Variants in TTYH3 observed in about 807,000 individuals in gnomAD.
TTYH3 encodes the protein protein tweety homolog 3.
A neutral mutation model predicts 68.2 loss-of-function variants in TTYH3; 23 were observed. The observed-to-expected ratio is 0.34, with a 90% confidence interval of 0.24 to 0.48. The LOEUF is 0.48. Ranked by LOEUF, TTYH3 falls within the 20% of genes least tolerant of loss-of-function variation. The pLI is 0.99. For synonymous variants in TTYH3, 360 were observed against 332.8 expected (o/e 1.08, Z -0.89); for missense variants, 768 against 727.7 (o/e 1.06, Z -0.64).
rs1382604713 is a variant in TTYH3, at chr7:2,645,944, G to C, written c.124-909G>C. Reference sequence around the variant, plus strand: ...GCTCTGGGGTCCTGGGGCTGTCTCGGGCTGGGGGTGAGGACAGTAGCTGAT... The same window carrying C: ...GCTCTGGGGTCCTGGGGCTGTCTCGCGCTGGGGGTGAGGACAGTAGCTGAT... On this transcript the variant is annotated intron_variant, in intron 1 of 13. Coordinates refer to ENST00000258796, the MANE Select transcript of TTYH3 (RefSeq NM_025250.3). This position sits in a 1 kb window ranked among gnomAD's most constrained non-coding sequence, Gnocchi z 4.8. 1.1e-5 allele frequency: 5 copies of C among 445,420 alleles called. No individual in the cohort carries two copies. Among genetic ancestry groups the C allele is most frequent in the Non-Finnish European group, 2.3e-5 (5 of 213,848 alleles). The allele number at this position is 445,420 out of a possible 1,614,324, so 27.6% of individuals were successfully genotyped here.
chr7:2,648,726 G>A (rs1409523059), intron 5 of TTYH3, among the ~76,000 whole-genome samples: 1 of 152,170 alleles, frequency 6.6e-6, no homozygotes, highest in African/African-American at 2.4e-5. Flanking sequence ...AGGAAAAGCC[G>A]GGGTGGTGTG....
At position 2,656,164 on chromosome 7, in the gene TTYH3, G is replaced by T; in HGVS notation, c.1093G>T (p.Asp365Tyr). ...CCTGCAGCACCTCACCGCCCTGGTG[G>T]ACTGCCGCAGCCTGCATCTGGTGAG... Reference protein sequence around the residue: ...VNLQHLTALVDCRSLHLDYVQ... With the variant: ...VNLQHLTALVYCRSLHLDYVQ... Residue 365 changes from aspartate to tyrosine, a missense_variant, in exon 10 of 14, where the codon GAC becomes TAC. Transcript: ENST00000258796. 6.4e-7 allele frequency: 1 copy of T among 1,568,834 alleles called. No individual in the cohort carries two copies. Among genetic ancestry groups the T allele is most frequent in the Non-Finnish European group, 8.6e-7 (1 of 1,157,364 alleles).
At chr7:2,649,027 C>T (rs935596435) in intron 5 of TTYH3, among the ~76,000 whole-genome samples, 2 of 136,200 alleles carry the variant, frequency 1.5e-5, no homozygotes, top group South Asian at 2.4e-4. Flanking sequence ...ATGGGGGACT[C>T]GTGGTGGGGG....
rs550942438 is a variant in TTYH3 at position 2,634,317 on chromosome 7, C to T, written c.123+2039C>T. ...CCTGAATCTGGGCTGGCCGTGCCTCCTGTGTAGGGTCACCCCTGGGAGGCA... is the reference window on the plus strand; with the variant it reads ...CCTGAATCTGGGCTGGCCGTGCCTCTTGTGTAGGGTCACCCCTGGGAGGCA... On this transcript the variant is annotated intron_variant, in intron 1 of 13. Coordinates refer to ENST00000258796, the MANE Select transcript of TTYH3 (RefSeq NM_025250.3). Among the ~76,000 whole-genome samples, 26 of 152,248 alleles carry T rather than the reference C, an allele frequency of 1.7e-4. 1 individual carries two copies. The highest frequency in any genetic ancestry group is 5.8e-4 in the African/African-American group (24 of 41,536).
At chr7:2,655,455 A>G (rs999127956) in intron 9 of TTYH3, among the ~76,000 whole-genome samples, 11 of 152,168 alleles carry the variant, frequency 7.2e-5, no homozygotes, top group African/African-American at 2.7e-4. Context: ...CCCAAAATCC[A>G]TTTCAGGATT....
intron 13 of TTYH3, among the ~76,000 whole-genome samples, chr7:2,661,257 G>C (rs1244642782): frequency 1.3e-5 from 2 of 152,208 alleles, no homozygotes; most frequent in African/African-American, 4.8e-5. Flanking sequence ...CGGCCCTGGA[G>C]GGTGGCTGGT....
chr7:2,658,217 C>G (rs1212500875), intron 11 of TTYH3, 69 bp from the exon 12 acceptor site: 5 of 1,415,058 alleles, frequency 3.5e-6, no homozygotes, highest in African/African-American at 2.9e-5. Flanking sequence ...CCAGAACTGA[C>G]CCCCATGGGT....
chr7:2,644,941 G>T (rs954583049), intron 1 of TTYH3, among the ~76,000 whole-genome samples: 1 of 152,234 alleles, frequency 6.6e-6, no homozygotes, highest in African/African-American at 2.4e-5. Flanking sequence ...TCATCCCAAG[G>T]GGGGGCCAGG....
At chr7:2,655,682 G>A (rs139780972) in intron 9 of TTYH3, among the ~76,000 whole-genome samples, 155 of 152,384 alleles carry the variant, frequency 1.0e-3, no homozygotes, top group Middle Eastern at 6.8e-3. Context: ...TCTGCATGGA[G>A]AGTTTTGTCA....
intron 11 of TTYH3, among the ~76,000 whole-genome samples, chr7:2,657,207 G>C (rs1411024617): frequency 1.3e-5 from 2 of 152,214 alleles, no homozygotes; most frequent in African/African-American, 4.8e-5. Flanking sequence ...GCTGCTGCTT[G>C]GTGGCCCAAT....
intron 5 of TTYH3, 132 bp downstream of exon 5, chr7:2,648,186 C>T: frequency 1.2e-6 from 1 of 819,696 alleles, no homozygotes; most frequent in Non-Finnish European, 1.9e-6. Flanking sequence ...GCGGGACCCC[C>T]CTGCACTGGG....
intron 1 of TTYH3, among the ~76,000 whole-genome samples, chr7:2,642,980 T>C (rs1365416250): frequency 7.0e-6 from 1 of 143,010 alleles, no homozygotes; most frequent in Non-Finnish European, 1.5e-5. Flanking sequence ...GGAGAATGGC[T>C]TGAACCTGGG....
At chr7:2,661,642 G>A (rs773235542) in intron 13 of TTYH3, 26 bp from the exon 14 acceptor site, 4 of 1,608,982 alleles carry the variant, frequency 2.5e-6, no homozygotes, top group South Asian at 1.1e-5. Context: ...GGGCCCTGCT[G>A]ATGCCTCCCC....
At position 2,652,115 on chromosome 7, in the gene TTYH3, C is replaced by T. The variant is rs1786197884; in HGVS notation, c.872-72C>T. On this transcript the variant is annotated intron_variant, in intron 7 of 13. Transcript: ENST00000258796. The stretch of plus-strand genomic sequence containing the variant: ...GATGCCCTGAAGATATGCGTGCAGA[C>T]ACAGGCAGACGTGCACGCAGTCTCA... The T allele has an allele frequency of 1.3e-5, 18 of 1,355,450 alleles. No homozygotes were observed. In the South Asian group the frequency reaches 1.5e-4, roughly 11 times the overall value. 84.0% of individuals were successfully genotyped at this position (1,355,450 alleles called of 1,614,324 possible).
intron 5 of TTYH3, chr7:2,648,323 G>T (rs1786058514): frequency 4.6e-6 from 2 of 438,524 alleles, no homozygotes; most frequent in Non-Finnish European, 4.1e-6. Flanking sequence ...CCCAGGACCT[G>T]AAGCAACCTG....
chr7:2,632,089 C>T lies in TTYH3; in HGVS notation c.-67C>T. Reference sequence around the variant, plus strand: ...GCGGGGGTCGACGGGTCCCTGAAGCCCGCGCCCCGGGCCAGCAAGGGAGCC... The same window carrying T: ...GCGGGGGTCGACGGGTCCCTGAAGCTCGCGCCCCGGGCCAGCAAGGGAGCC... On this transcript the variant is annotated 5_prime_UTR_variant, in exon 1 of 14. Transcript: ENST00000258796. The T allele has an allele frequency of 8.1e-7, 1 of 1,229,348 alleles. No individual in the cohort carries two copies. Among genetic ancestry groups the T allele is most frequent in the Non-Finnish European group, 1.0e-6 (1 of 984,802 alleles). 76.2% of individuals were successfully genotyped at this position (1,229,348 alleles called of 1,614,324 possible).
intron 7 of TTYH3, among the ~76,000 whole-genome samples, chr7:2,650,349 G>A (rs1786135495): frequency 6.6e-6 from 1 of 152,104 alleles, no homozygotes; most frequent in African/African-American, 2.4e-5. Context: ...AGGCCGAGGC[G>A]GGTGGATCAC....
chr7:2,632,069 G>C lies in TTYH3; in HGVS notation c.-87G>C. On this transcript the variant is annotated 5_prime_UTR_variant, in exon 1 of 14. Transcript: ENST00000258796. ...CGGATGATGCGGGCGGCCAGGCGGG[G>C]GTCGACGGGTCCCTGAAGCCCGCGC... 1 of 1,175,306 alleles carries C rather than the reference G, an allele frequency of 8.5e-7. No homozygotes were observed. The highest frequency in any genetic ancestry group is 1.1e-6 in the Non-Finnish European group (1 of 943,746). The allele number at this position is 1,175,306 out of a possible 1,614,324, so 72.8% of individuals were successfully genotyped here.
chr7:2,660,983 G>T (rs767650215), intron 13 of TTYH3, among the ~76,000 whole-genome samples: 2 of 152,234 alleles, frequency 1.3e-5, no homozygotes, highest in Non-Finnish European at 2.9e-5. Flanking sequence ...GTGCAGGCCA[G>T]CTGCAGAGCC....
Sources: gnomAD v4.1 joint callset for allele counts (sites outside exome capture counted in the v4.1 genomes callset) on GRCh38, gnomAD v4.1.1 for gene constraint, Gnocchi (gnomAD v3.1) non-coding constraint, MANE v1.5 for transcripts, NCBI Gene and HGNC (gene_info 2026-07-23, HGNC 2026-07-21) for gene names.